The following ASTL variants were observed in gnomAD, a reference collection of about 807,000 sequenced individuals.
ASTL encodes astacin-like metalloendopeptidase.
In ASTL, 27 loss-of-function variants were observed where a neutral mutation model predicts 36.7. That is an observed-to-expected ratio of 0.73 (90% confidence interval 0.54 to 1.01). The LOEUF is 1.01. ASTL is among the 50% of genes least tolerant of loss of function. ASTL has a pLI of 0.00. For missense variants in ASTL, 524 were observed against 572.8 expected (o/e 0.91, Z 0.87); for synonymous variants, 222 against 228.1 (o/e 0.97, Z 0.24).
At chr2:96,133,796 C>A in intron 4 of ASTL, 169 bp downstream of exon 4, 1 of 658,344 alleles carries the variant, frequency 1.5e-6, no homozygotes, top group Non-Finnish European at 2.7e-6. Context: ...AGATTTTAAC[C>A]CTCCCTACTC....
At chr2:96,137,066 A>G (rs1682315701) in intron 2 of ASTL, among the ~76,000 whole-genome samples, 1 of 151,846 alleles carries the variant, frequency 6.6e-6, no homozygotes, top group Non-Finnish European at 1.5e-5. Context: ...GATGGTCTCG[A>G]TCTCCTGACC....
chr2:96,123,971 G>C lies in ASTL; in HGVS notation c.1175C>G (p.Ser392Cys). 1 of 1,614,002 alleles carries C rather than the reference G, an allele frequency of 6.2e-7. No individual in the cohort carries two copies. The highest frequency in any genetic ancestry group is 8.5e-7 in the Non-Finnish European group (1 of 1,179,990). ...AQEQSWLAGV[S>C]TKPTVPSSEA... ...TGAAGATGGGACTGTGGGCTTGGTG[G>C]ACACTCCGGCCAGCCAGGACTGCTC... The change falls in exon 9 of 9, where the codon TCC becomes TGC. Residue 392 changes from serine to cysteine, a missense_variant. Transcript: ENST00000342380.
At chr2:96,135,214 C>T (rs1682268806) in intron 3 of ASTL, 137 bp downstream of exon 3, 2 of 649,226 alleles carry the variant, frequency 3.1e-6, no homozygotes, top group Non-Finnish European at 5.5e-6. Flanking sequence ...GTCGCTCTGA[C>T]CTTGACAAAA....
chr2:96,133,894 G>A, intron 4 of ASTL, 71 bp downstream of exon 4: 1 of 1,026,682 alleles, frequency 9.7e-7, no homozygotes, highest in African/African-American at 1.6e-5. Flanking sequence ...GAGGAAAAGG[G>A]AAGAGAGGAA....
rs755843297 is a variant in ASTL at position 96,138,404 on chromosome 2, C to T, written c.33G>A (p.Val11=). 1.4e-5 allele frequency: 23 copies of T among 1,610,746 alleles called. No homozygotes were observed. Among genetic ancestry groups the T allele is most frequent in the East Asian group, 6.7e-5 (3 of 44,820 alleles). Reference sequence around the variant, plus strand: ...TACCTGGCAAGGAGAGCAGACCCAGCACCCAAGGCCAGAGACCCCCTACAC... The same window carrying T: ...TACCTGGCAAGGAGAGCAGACCCAGTACCCAAGGCCAGAGACCCCCTACAC... MEGVGGLWPW[V]LGLLSLPGVI... Residue 11 remains valine (V), a synonymous_variant, in exon 1 of 9, where the codon GTG becomes GTA. Coordinates refer to ENST00000342380, the MANE Select transcript of ASTL (RefSeq NM_001002036.4).
rs137865237 is a variant in ASTL at position 96,124,007 on chromosome 2, C to T, written c.1139G>A (p.Gly380Asp). Reference sequence around the variant, plus strand: ...CAGCCAGGACTGCTCCTGAGCAACACCGGGGGCACCTGCTCCAGGCCTTGA... The same window carrying T: ...CAGCCAGGACTGCTCCTGAGCAACATCGGGGGCACCTGCTCCAGGCCTTGA... Reference protein sequence around the residue: ...PRSRPGAGAPGVAQEQSWLAG... With the variant: ...PRSRPGAGAPDVAQEQSWLAG... The change falls in exon 9 of 9, where the codon GGT (glycine) becomes GAT (aspartate). Residue 380 changes from glycine (G) to aspartate (D), a missense_variant. Gly to Asp is a moderately conservative substitution (Grantham distance 94). Coordinates refer to ENST00000342380, the MANE Select transcript of ASTL (RefSeq NM_001002036.4). This position sits in a 1 kb window ranked among gnomAD's most constrained non-coding sequence, Gnocchi z 4.1. 63 of 1,613,908 alleles carry T rather than the reference C, an allele frequency of 3.9e-5. 1 individual carries two copies. In the South Asian group the frequency reaches 6.4e-4, roughly 16 times the overall value.
At position 96,130,068 on chromosome 2, in the gene ASTL, C is replaced by T. The variant is rs1335759051; in HGVS notation, c.715G>A (p.Gly239Arg). 6.2e-7 allele frequency: 1 copy of T among 1,613,902 alleles called. No individual in the cohort carries two copies. Among genetic ancestry groups the T allele is most frequent in the Non-Finnish European group, 8.5e-7 (1 of 1,179,854 alleles). Residue 239 changes from glycine to arginine, a missense_variant, in exon 7 of 9, where the codon GGG (glycine) becomes AGG (arginine). Physicochemically the swap from Gly to Arg is moderately radical, Grantham distance 125. Coordinates refer to ENST00000342380, the MANE Select transcript of ASTL (RefSeq NM_001002036.4). ...AGAAGAAGGCAGGGTCCTCACCTCC[C>T]ATAGTGCATCACAGAGGAGTAGTCA... Reference protein sequence around the residue: ...PYDYSSVMHYGRLAFSRRGLP... With the variant: ...PYDYSSVMHYRRLAFSRRGLP...
chr2:96,132,174 TG>T lies in ASTL; in HGVS notation c.637+365del, dbSNP rs750337726. ...GCTGGCACACAGCCCCAGTCCATGG[TG>T]GTGGTATCTGGTACATGAGACCGCT... On this transcript the variant is annotated intron_variant, in intron 6 of 8. Transcript: ENST00000342380. This position sits in a 1 kb window ranked among gnomAD's most constrained non-coding sequence, Gnocchi z 5.4. Among the ~76,000 whole-genome samples, 11 of 152,184 alleles carry T rather than the reference TG, an allele frequency of 7.2e-5. No homozygotes were observed. The highest frequency in any genetic ancestry group is 1.2e-4 in the Non-Finnish European group (8 of 68,038).
chr2:96,129,354 T>A (rs1007003457), intron 8 of ASTL, among the ~76,000 whole-genome samples: 7 of 152,246 alleles, frequency 4.6e-5, no homozygotes, highest in African/African-American at 1.4e-4. Flanking sequence ...CCTTTTCTAA[T>A]TCTTATTAGT....
chr2:96,127,649 C>G (rs1398807978), intron 8 of ASTL, among the ~76,000 whole-genome samples: 3 of 152,014 alleles, frequency 2.0e-5, no homozygotes, highest in Non-Finnish European at 4.4e-5. Flanking sequence ...TCTTGGCTCA[C>G]TGCAACCTCC....
At position 96,124,037 on chromosome 2, in the gene ASTL, G is replaced by T. The variant is rs746981708; in HGVS notation, c.1109C>A (p.Pro370Gln). ...GGCACCTGCTCCAGGCCTTGATCTTGGGGAGGAAGCTAGGGTCTGAGGCTG... is the reference window on the plus strand; with the variant it reads ...GGCACCTGCTCCAGGCCTTGATCTTTGGGAGGAAGCTAGGGTCTGAGGCTG... ...ARQPQTLASSPRSRPGAGAPG... is the reference protein window; with the variant it reads ...ARQPQTLASSQRSRPGAGAPG... Residue 370 changes from proline to glutamine, a missense_variant, in exon 9 of 9, where the codon CCA becomes CAA. Transcript: ENST00000342380. The surrounding 1 kb of genome is among the most constrained non-coding windows in gnomAD (Gnocchi z 4.1). 2 of 1,613,992 alleles carry T rather than the reference G, an allele frequency of 1.2e-6. No homozygotes were observed. Among genetic ancestry groups the T allele is most frequent in the Non-Finnish European group, 1.7e-6 (2 of 1,179,958 alleles).
rs747816498 is a variant in ASTL, at chr2:96,124,117, T to C, written c.1029A>G (p.Pro343=). The change falls in exon 9 of 9, where the codon CCA becomes CCG. Residue 343 remains proline, a synonymous_variant. Transcript: ENST00000342380. The surrounding 1 kb of genome is among the most constrained non-coding windows in gnomAD (Gnocchi z 4.1). Reference sequence around the variant, plus strand: ...TCAGGGCAGGGGACTCCCACCCATGTGGGCTCTCCCCAGGCCCTGCAGGAA... The same window carrying C: ...TCAGGGCAGGGGACTCCCACCCATGCGGGCTCTCCCCAGGCCCTGCAGGAA... ...QPVPAGPGES[P]HGWESPALKK... 1.9e-5 allele frequency: 31 copies of C among 1,600,754 alleles called. No homozygotes were observed. The highest frequency in any genetic ancestry group is 2.6e-5 in the Non-Finnish European group (30 of 1,171,924).
In ASTL at chr2:96,132,696, C is replaced by T; in HGVS notation, c.481G>A (p.Gly161Arg). Residue 161 changes from glycine to arginine, a missense_variant, in exon 6 of 9, where the codon GGA (glycine) becomes AGA (arginine). Coordinates refer to ENST00000342380, the MANE Select transcript of ASTL (RefSeq NM_001002036.4). The surrounding 1 kb of genome is among the most constrained non-coding windows in gnomAD (Gnocchi z 5.4). ...GCCAGGGAGACCACCTGCATCCCTC[C>T]ACTGCGCCCCACACTCGAGAAGCAC... ...YGCFSSVGRS[G>R]GMQVVSLAPT... is the part of the protein sequence containing the mutation. The T allele has an allele frequency of 1.2e-6, 2 of 1,612,162 alleles. No homozygotes were observed. The highest frequency in any genetic ancestry group is 1.7e-6 in the Non-Finnish European group (2 of 1,178,714).
chr2:96,124,720 T>C lies in ASTL; in HGVS notation c.875-449A>G, dbSNP rs563319343. ...TGCCAGGAGGTAGGTTGGGGCTTCC[T>C]TGTTCTTCACTGTCATGCCAGACTA... is the stretch of plus-strand genomic sequence containing the variant. On this transcript the variant is annotated intron_variant, in intron 8 of 8. Transcript: ENST00000342380. This position sits in a 1 kb window ranked among gnomAD's most constrained non-coding sequence, Gnocchi z 4.1. Among the ~76,000 whole-genome samples, 78 of 152,310 alleles carry C rather than the reference T, an allele frequency of 5.1e-4. No homozygotes were observed. Among genetic ancestry groups the C allele is most frequent in the African/African-American group, 1.8e-3 (74 of 41,556 alleles).
rs114928355 is a variant in ASTL at position 96,122,980 on chromosome 2, T to C, written c.*870A>G. On this transcript the variant is annotated 3_prime_UTR_variant, in exon 9 of 9. Transcript: ENST00000342380. ...GCCCACTCATTGGCACCCTGGATGCTTTCTTCATGCCTGGGACAAACCTCA... is the reference window on the plus strand; with the variant it reads ...GCCCACTCATTGGCACCCTGGATGCCTTCTTCATGCCTGGGACAAACCTCA... Among the ~76,000 whole-genome samples the C allele has an allele frequency of 2.8e-3, 428 of 152,342 alleles. 4 individuals carry two copies. The highest frequency in any genetic ancestry group is 0.01 in the African/African-American group (416 of 41,580).
intron 3 of ASTL, among the ~76,000 whole-genome samples, chr2:96,134,516 T>C (rs947061782): frequency 2.6e-5 from 4 of 152,126 alleles, no homozygotes; most frequent in African/African-American, 9.7e-5. Flanking sequence ...TGCTTACTTC[T>C]GCTCTCCAGC....
At chr2:96,136,676 A>AC (rs1190182614) in intron 2 of ASTL, among the ~76,000 whole-genome samples, 1 of 152,092 alleles carries the variant, frequency 6.6e-6, no homozygotes, top group Non-Finnish European at 1.5e-5. Flanking sequence ...GATCTCACCC[A>AC]CCCTTAGGGC....
In ASTL at chr2:96,124,379, G is replaced by T; in HGVS notation, c.875-108C>A. ...GCTCACAGGAGTGGTGCCCACCCATGCCACGGCCTAGTGCATCCAAGACCC... is the reference window on the plus strand; with the variant it reads ...GCTCACAGGAGTGGTGCCCACCCATTCCACGGCCTAGTGCATCCAAGACCC... On this transcript the variant is annotated intron_variant, in intron 8 of 8. Coordinates refer to ENST00000342380, the MANE Select transcript of ASTL (RefSeq NM_001002036.4). This position sits in a 1 kb window ranked among gnomAD's most constrained non-coding sequence, Gnocchi z 4.1. 2 of 1,034,830 alleles carry T rather than the reference G, an allele frequency of 1.9e-6. No individual in the cohort carries two copies. Among genetic ancestry groups the T allele is most frequent in the Non-Finnish European group, 2.6e-6 (2 of 756,856 alleles). The allele number at this position is 1,034,830 out of a possible 1,614,324, so 64.1% of individuals were successfully genotyped here.
At chr2:96,131,755 G>A (rs936509960) in intron 6 of ASTL, among the ~76,000 whole-genome samples, 2 of 151,862 alleles carry the variant, frequency 1.3e-5, no homozygotes, top group Non-Finnish European at 2.9e-5. Flanking sequence ...TGGCTAACAT[G>A]ACAGCCCTGA....
Sources: allele counts gnomAD v4.1 joint callset (sites outside exome capture counted in the v4.1 genomes callset), GRCh38; gene constraint gnomAD v4.1.1; non-coding constraint Gnocchi (gnomAD v3.1); transcripts MANE v1.5; gene names NCBI Gene and HGNC (gene_info 2026-07-23, HGNC 2026-07-21).